The following RAB2A variants were observed in gnomAD, a reference collection of about 807,000 sequenced individuals.
RAB2A encodes the protein ras-related protein Rab-2A.
In RAB2A, 7 loss-of-function variants were observed where a neutral mutation model predicts 32.5. That is an observed-to-expected ratio of 0.22 (90% CI 0.12 to 0.40). The LOEUF (loss-of-function observed/expected upper bound fraction) is 0.40. RAB2A is among the 10% of genes least tolerant of loss of function. The pLI, the probability that RAB2A is intolerant of heterozygous loss-of-function variation, is 1.00. For synonymous variants in RAB2A, 79 were observed against 85.2 expected, an observed-to-expected ratio of 0.93 and a Z score of 0.40; for missense variants, 108 against 260.7, an observed-to-expected ratio of 0.41 and a Z score of 4.03.
intron 7 of RAB2A, among the ~76,000 whole-genome samples, 163 bp from the exon 8 acceptor site, chr8:60,620,511 C>T (rs1327957898): frequency 6.6e-6 from 1 of 152,338 alleles, no homozygotes; most frequent in Non-Finnish European, 1.5e-5. Flanking sequence ...AAGGAAGGAA[C>T]ATCCCTTAGG....
At chr8:60,555,265 A>G (rs1332849065) in intron 1 of RAB2A, among the ~76,000 whole-genome samples, 1 of 152,234 alleles carries the variant, frequency 6.6e-6, no homozygotes, top group African/African-American at 2.4e-5. Flanking sequence ...TAAAACTACT[A>G]GAAGAAAATA....
chr8:60,528,798 C>G (rs1807431383), intron 1 of RAB2A, among the ~76,000 whole-genome samples: 1 of 152,148 alleles, frequency 6.6e-6, no homozygotes, highest in African/African-American at 2.4e-5. Flanking sequence ...GTCTGTCAAA[C>G]TCCTGGCCTC....
At chr8:60,565,385 C>G (rs577575240) in intron 2 of RAB2A, among the ~76,000 whole-genome samples, 25 of 146,936 alleles carry the variant, frequency 1.7e-4, no homozygotes, top group African/African-American at 6.1e-4. Context: ...CACCACTGCA[C>G]TCCAGCCTGG....
At chr8:60,590,208 G>A (rs780759451) in intron 5 of RAB2A, among the ~76,000 whole-genome samples, 8 of 151,852 alleles carry the variant, frequency 5.3e-5, no homozygotes, top group African/African-American at 1.5e-4. Context: ...TGATCCACCC[G>A]CCTTGCCTCC....
chr8:60,556,171 A>G (rs1412067511), intron 1 of RAB2A, among the ~76,000 whole-genome samples: 3 of 152,210 alleles, frequency 2.0e-5, no homozygotes, highest in Non-Finnish European at 4.4e-5. Context: ...AGTTGAGCTC[A>G]TAAAGGCAGA....
At chr8:60,517,377 C>G in intron 1 of RAB2A, 124 bp downstream of exon 1, 1 of 946,286 alleles carries the variant, frequency 1.1e-6, no homozygotes, top group Non-Finnish European at 1.5e-6. Flanking sequence ...GGCCGCGCCG[C>G]TCCATTTCCG....
Position 60,518,017 on chromosome 8 carries a change from C to T in RAB2A, c.46+764C>T, listed in dbSNP as rs527634818. On this transcript the variant is annotated intron_variant, in intron 1 of 7. Coordinates refer to ENST00000262646, the MANE Select transcript of RAB2A (RefSeq NM_002865.3). ...CTTAGGTATGTGTATGTTGAGGACG[C>T]TGATGTTTTAGATATGTCAAGTCCG... Among the ~76,000 whole-genome samples, 25 of 150,330 alleles carry T rather than the reference C, an allele frequency of 1.7e-4. No homozygotes were observed. In the East Asian group the frequency reaches 5.0e-3, roughly 30 times the overall value.
intron 6 of RAB2A, among the ~76,000 whole-genome samples, chr8:60,592,972 G>C (rs1465176232): frequency 6.6e-6 from 1 of 152,184 alleles, no homozygotes; most frequent in Non-Finnish European, 1.5e-5. Context: ...GATAACAGAG[G>C]TCAGGGTCCT....
rs78503361 is a variant in RAB2A, at chr8:60,597,557, C to T, written c.474+5588C>T. ...TATATACCTATGTAACAAATCTGCACATGTATCCCAGAACTTAAAGTATAA... is the reference window on the plus strand; with the variant it reads ...TATATACCTATGTAACAAATCTGCATATGTATCCCAGAACTTAAAGTATAA... On this transcript the variant is annotated intron_variant, in intron 6 of 7. Transcript: ENST00000262646. Among the ~76,000 whole-genome samples, 199 of 152,078 alleles carry T rather than the reference C, an allele frequency of 1.3e-3. 1 individual carries two copies. The East Asian group carries it at 0.033, about 25-fold the overall frequency.
chr8:60,593,221 A>G (rs1449843273), intron 6 of RAB2A, among the ~76,000 whole-genome samples: 1 of 152,212 alleles, frequency 6.6e-6, no homozygotes, highest in Non-Finnish European at 1.5e-5. Context: ...TCGTCACGTG[A>G]CCATCATAGA....
At chr8:60,537,682 TTTTTA>T (rs1025724760) in intron 1 of RAB2A, among the ~76,000 whole-genome samples, 6 of 152,162 alleles carry the variant, frequency 3.9e-5, no homozygotes, top group African/African-American at 1.4e-4. Context: ...ACTGTTTTCT[TTTTTA>T]TTTTATTTTA....
At chr8:60,550,306 T>C (rs1454253283) in intron 1 of RAB2A, among the ~76,000 whole-genome samples, 1 of 151,160 alleles carries the variant, frequency 6.6e-6, no homozygotes, top group African/African-American at 2.4e-5. Flanking sequence ...CAATTTGAAC[T>C]ACCCCCAATG....
rs987050459 is a variant in RAB2A, at chr8:60,516,993, C to A, written c.-215C>A. On this transcript the variant is annotated 5_prime_UTR_variant, in exon 1 of 8. Transcript: ENST00000262646. Reference sequence around the variant, plus strand: ...AGGCGCCGCGGCGGCTGTTATTGTTCGGCTGGGCTCGGTCGGGCGCTGTCT... The same window carrying A: ...AGGCGCCGCGGCGGCTGTTATTGTTAGGCTGGGCTCGGTCGGGCGCTGTCT... The A allele has an allele frequency of 4.4e-6, 2 of 450,470 alleles. No individual in the cohort carries two copies. The highest frequency in any genetic ancestry group is 2.1e-5 in the African/African-American group (1 of 48,290). 27.9% of individuals were successfully genotyped at this position (450,470 alleles called of 1,614,324 possible). A position where few individuals can be genotyped will look rare whatever the true frequency, so the allele number is the denominator to read the frequency against.
intron 1 of RAB2A, among the ~76,000 whole-genome samples, chr8:60,550,909 G>C (rs1237902462): frequency 6.6e-6 from 1 of 152,066 alleles, no homozygotes; most frequent in African/African-American, 2.4e-5. Flanking sequence ...TGCCTCCTGT[G>C]CTTTAGCCAC....
At chr8:60,608,814 T>A (rs1804287367) in intron 6 of RAB2A, among the ~76,000 whole-genome samples, 1 of 152,180 alleles carries the variant, frequency 6.6e-6, no homozygotes, top group Admixed American at 6.5e-5. Context: ...ATAGCCCTTC[T>A]CTATTCTAGT....
chr8:60,544,142 A>C (rs1391493050), intron 1 of RAB2A, among the ~76,000 whole-genome samples: 1 of 147,842 alleles, frequency 6.8e-6, no homozygotes. Context: ...CCCAGGCTGA[A>C]GTGTAGTGGC....
intron 3 of RAB2A, among the ~76,000 whole-genome samples, chr8:60,575,093 GTT>G (rs59359164): frequency 1.3e-3 from 170 of 128,114 alleles, no homozygotes; most frequent in Admixed American, 1.6e-3. Flanking sequence ...TTTTTTGGGG[GTT>G]TTTTTTTTTT....
chr8:60,564,794 T>C (rs1808079568), intron 2 of RAB2A, among the ~76,000 whole-genome samples: 2 of 152,176 alleles, frequency 1.3e-5, no homozygotes, highest in South Asian at 4.1e-4. Context: ...AAAAGTAAGG[T>C]CCATGACAGC....
intron 3 of RAB2A, among the ~76,000 whole-genome samples, chr8:60,577,894 A>C (rs1340738899): frequency 6.9e-6 from 1 of 145,746 alleles, no homozygotes; most frequent in African/African-American, 2.6e-5. Context: ...CACCCGCCTC[A>C]GCTTCCCAAA....
Sources: gnomAD v4.1 joint callset for allele counts (sites outside exome capture counted in the v4.1 genomes callset) on GRCh38, gnomAD v4.1.1 for gene constraint, MANE v1.5 for transcripts, NCBI Gene and HGNC (gene_info 2026-07-23, HGNC 2026-07-21) for gene names.